Variants in CDH13 observed in about 807,000 individuals in gnomAD.
The protein encoded by CDH13 is cadherin 13.
In CDH13, 24 loss-of-function variants were observed where a neutral mutation model predicts 63.8. The ratio of observed to expected loss-of-function variants is 0.38; its 90% CI spans 0.27 to 0.53. The LOEUF (loss-of-function observed/expected upper bound fraction) is 0.53. CDH13 is among the 20% of genes least tolerant of loss of function. The pLI is 0.85. For synonymous variants in CDH13, 503 were observed against 355.3 expected (o/e 1.42, Z -4.67); for missense variants, 1,049 against 903.1 (o/e 1.16, Z -2.07).
chr16:82,832,675 C>G (rs2038597906), intron 1 of CDH13, among the ~76,000 whole-genome samples: 1 of 151,848 alleles, frequency 6.6e-6, no homozygotes, highest in African/African-American at 2.4e-5. Context: ...CAAAATATAG[C>G]AACGATATGA....
At chr16:82,640,876 AT>A (rs1567580980) in intron 1 of CDH13, among the ~76,000 whole-genome samples, 1 of 152,228 alleles carries the variant, frequency 6.6e-6, no homozygotes, top group Non-Finnish European at 1.5e-5. Flanking sequence ...CTGGACTACA[AT>A]TTTTAAGGCA....
At chr16:83,671,764 A>C (rs1437129) in intron 9 of CDH13, among the ~76,000 whole-genome samples, 1 of 151,948 alleles carries the variant, frequency 6.6e-6, no homozygotes, top group Non-Finnish European at 1.5e-5. Context: ...TTGCTAACTC[A>C]CACACTGACC....
At chr16:83,218,513 T>A (rs1410337490) in intron 5 of CDH13, among the ~76,000 whole-genome samples, 1 of 152,120 alleles carries the variant, frequency 6.6e-6, no homozygotes, top group Non-Finnish European at 1.5e-5. Flanking sequence ...ACCTCAGAAA[T>A]ACCCAGTTCC....
At chr16:83,435,436 C>A (rs2072265340) in intron 6 of CDH13, among the ~76,000 whole-genome samples, 3 of 152,164 alleles carry the variant, frequency 2.0e-5, no homozygotes, top group Admixed American at 2.0e-4. Context: ...TCTGTGGCTC[C>A]CCGTTGCCCC....
chr16:82,902,013 C>T (rs531336572), intron 2 of CDH13, among the ~76,000 whole-genome samples: 1 of 152,334 alleles, frequency 6.6e-6, no homozygotes, highest in Admixed American at 6.5e-5. Context: ...TCCAAGGTCA[C>T]ATAGCTATTA....
chr16:83,599,068 G>A (rs1907536896), intron 7 of CDH13, among the ~76,000 whole-genome samples: 1 of 152,184 alleles, frequency 6.6e-6, no homozygotes, highest in African/African-American at 2.4e-5. Flanking sequence ...CACCTGAACT[G>A]TACCTGTACT....
chr16:83,436,920 A>G (rs1453031658), intron 6 of CDH13, among the ~76,000 whole-genome samples: 3 of 152,238 alleles, frequency 2.0e-5, no homozygotes, highest in African/African-American at 7.2e-5. Context: ...ACTCCATCAG[A>G]GTCTCCATCA....
At chr16:83,110,736 G>C (rs746915894) in intron 3 of CDH13, among the ~76,000 whole-genome samples, 7 of 151,936 alleles carry the variant, frequency 4.6e-5, no homozygotes, top group Non-Finnish European at 1.0e-4. Flanking sequence ...CTTTTGTTTT[G>C]CCAGGGTCGG....
intron 5 of CDH13, among the ~76,000 whole-genome samples, chr16:83,314,326 C>A (rs920332740): frequency 1.3e-5 from 2 of 151,858 alleles, no homozygotes; most frequent in East Asian, 1.9e-4. Context: ...TGGGTAACAG[C>A]TGATTAGATA....
intron 2 of CDH13, among the ~76,000 whole-genome samples, chr16:82,860,891 C>G (rs1463426887): frequency 1.3e-5 from 2 of 152,156 alleles, no homozygotes; most frequent in African/African-American, 4.8e-5. Context: ...TTATACCTAA[C>G]CAACCAATAT....
chr16:82,861,177 G>C (rs1006244374), intron 2 of CDH13, among the ~76,000 whole-genome samples: 3 of 152,152 alleles, frequency 2.0e-5, no homozygotes, highest in Non-Finnish European at 4.4e-5. Context: ...GGATGTTTTA[G>C]TCTCATATAA....
chr16:82,681,197 A>G (rs1914504858), intron 1 of CDH13, among the ~76,000 whole-genome samples: 1 of 152,202 alleles, frequency 6.6e-6, no homozygotes, highest in Non-Finnish European at 1.5e-5. Context: ...GGAATGAAGT[A>G]CTCTTACATG....
At chr16:83,248,945 G>A (rs1905225636) in intron 5 of CDH13, among the ~76,000 whole-genome samples, 2 of 152,184 alleles carry the variant, frequency 1.3e-5, no homozygotes, top group Non-Finnish European at 2.9e-5. Context: ...CTCGTGCCCT[G>A]AATTTTGGCA....
chr16:82,888,538 A>G (rs2040970572), intron 2 of CDH13, among the ~76,000 whole-genome samples: 1 of 152,216 alleles, frequency 6.6e-6, no homozygotes, highest in Non-Finnish European at 1.5e-5. Context: ...TCGCCTGGAC[A>G]GAAAGCCTCC....
intron 6 of CDH13, among the ~76,000 whole-genome samples, chr16:83,445,241 T>TTTTATAAA (rs1567677345): frequency 5.3e-5 from 3 of 56,528 alleles, no homozygotes; most frequent in African/African-American, 1.7e-4. Context: ...GAGTTTATAA[T>TTTTATAAA]TTATAAAAGC....
At chr16:83,354,860 T>G (rs1259680047) in intron 6 of CDH13, among the ~76,000 whole-genome samples, 1 of 152,202 alleles carries the variant, frequency 6.6e-6, no homozygotes, top group Admixed American at 6.5e-5. Context: ...TAAATAAAGT[T>G]TTATTAGAAT....
At chr16:83,403,453 C>G (rs904265482) in intron 6 of CDH13, among the ~76,000 whole-genome samples, 1 of 152,084 alleles carries the variant, frequency 6.6e-6, no homozygotes, top group East Asian at 1.9e-4. Context: ...GAAACCCCAT[C>G]TCTACTAAAA....
intron 6 of CDH13, among the ~76,000 whole-genome samples, chr16:83,446,520 A>G (rs1377377520): frequency 6.6e-6 from 1 of 152,164 alleles, no homozygotes; most frequent in Admixed American, 6.5e-5. Context: ...AAGGACAGAA[A>G]ATGAAAATTA....
At chr16:82,985,098 G>A (rs1319235622) in intron 2 of CDH13, among the ~76,000 whole-genome samples, 3 of 152,208 alleles carry the variant, frequency 2.0e-5, no homozygotes, top group Non-Finnish European at 4.4e-5. Flanking sequence ...AATAAGGTCA[G>A]TAAGTAATAG....
Sources: allele counts gnomAD v4.1 joint callset (sites outside exome capture counted in the v4.1 genomes callset), GRCh38; gene constraint gnomAD v4.1.1; transcripts MANE v1.5; gene names NCBI Gene and HGNC (gene_info 2026-07-23, HGNC 2026-07-21).